The following FRG1 variants were observed in gnomAD, a reference collection of about 807,000 sequenced individuals.
The protein encoded by FRG1 is FSHD region gene 1.
A neutral mutation model predicts 37.0 loss-of-function variants in FRG1; 19 were observed. The ratio of observed to expected loss-of-function variants is 0.51; its 90% CI spans 0.36 to 0.75. The LOEUF is 0.75. FRG1 is among the 30% of genes least tolerant of loss of function. The pLI, the probability that FRG1 is intolerant of heterozygous loss-of-function variation, is 0.00. For synonymous variants in FRG1, 73 were observed against 96.5 expected (o/e 0.76, Z 1.43); for missense variants, 243 against 301.4 (o/e 0.81, Z 1.44).
At position 189,952,167 on chromosome 4, in the gene FRG1, T is replaced by C; in HGVS notation, c.139T>C (p.Trp47Arg). Residue 47 changes from tryptophan to arginine, a missense_variant, in exon 3 of 9, where the codon TGG becomes CGG. Around this residue, in one of 2 missense-constraint regions of FRG1, gnomAD observed 110 missense variants for 102.2 expected, o/e 1.08. Transcript: ENST00000226798. ...EETQLDIVGI[W>R]WTVTNFGEIS... is the part of the protein sequence containing the mutation. The stretch of plus-strand genomic sequence containing the variant: ...ATATTGATTTTATTTTTTAGGAATC[T>C]GGTGGACAGTAACAAACTTTGGTGA... 6.3e-7 allele frequency: 1 copy of C among 1,580,582 alleles called. No homozygotes were observed. The highest frequency in any genetic ancestry group is 8.6e-7 in the Non-Finnish European group (1 of 1,162,112).
At chr4:189,948,882 G>A (rs575015759) in intron 2 of FRG1, among the ~76,000 whole-genome samples, 1 of 152,360 alleles carries the variant, frequency 6.6e-6, no homozygotes, top group East Asian at 1.9e-4. Flanking sequence ...TGTAGAGATG[G>A]GGGTCTCCTT....
intron 4 of FRG1, among the ~76,000 whole-genome samples, chr4:189,954,234 ACT>A (rs1561072505): frequency 1.3e-5 from 2 of 152,044 alleles, no homozygotes; most frequent in East Asian, 3.9e-4. Context: ...TACAAAACAT[ACT>A]CTGTTAATTT....
intron 4 of FRG1, 114 bp downstream of exon 4, chr4:189,953,239 A>T (rs138832199): frequency 8.0e-6 from 11 of 1,378,124 alleles, no homozygotes; most frequent in African/African-American, 1.5e-5. Flanking sequence ...TGTAAAAAAC[A>T]AAATAGCTTT....
At chr4:189,941,132 C>T (rs4145517) in intron 1 of FRG1, 61 bp downstream of exon 1, 412,939 of 1,415,876 alleles carry the variant, frequency 0.29, 61,751 homozygotes, top group Middle Eastern at 0.39. Flanking sequence ...TCCACCCCCG[C>T]AACTCCGGTG....
intron 6 of FRG1, among the ~76,000 whole-genome samples, chr4:189,960,287 T>G (rs533874924): frequency 6.6e-6 from 1 of 152,352 alleles, no homozygotes; most frequent in South Asian, 2.1e-4. Flanking sequence ...AAGAGGTGGG[T>G]TCCAATTAGT....
intron 1 of FRG1, chr4:189,941,851 C>G (rs1430288552): frequency 1.4e-5 from 6 of 442,672 alleles, no homozygotes; most frequent in South Asian, 4.9e-5. Flanking sequence ...GAGGTACATA[C>G]AAATGTCGAG....
intron 2 of FRG1, 52 bp downstream of exon 2, chr4:189,943,324 T>G: frequency 6.4e-7 from 1 of 1,571,514 alleles, no homozygotes; most frequent in African/African-American, 1.4e-5. Context: ...TTTCTTGAGA[T>G]CTCCTTGAAA....
chr4:189,961,759 T>G (rs1737245936), intron 7 of FRG1, 63 bp from the exon 8 acceptor site: 1 of 717,610 alleles, frequency 1.4e-6, no homozygotes, highest in Admixed American at 2.6e-5. Flanking sequence ...ATTTATAAAT[T>G]TAATAGTAAA....
At position 189,957,381 on chromosome 4, in the gene FRG1, TTA is replaced by T. The variant is rs1419641474; in HGVS notation, c.433-15_433-14del. On this transcript the variant is annotated splice_polypyrimidine_tract_variant and intron_variant, in intron 5 of 8. Coordinates refer to ENST00000226798, the MANE Select transcript of FRG1 (RefSeq NM_004477.3). ...AAGAAGTATCCTCATGGCTATTTTG[TTA>T]TTTGTTTCACTTAGGGGAAAATGGC... 6.6e-7 allele frequency: 1 copy of T among 1,511,668 alleles called. No homozygotes were observed. The highest frequency in any genetic ancestry group is 2.4e-5 in the East Asian group (1 of 41,540). The allele number at this position is 1,511,668 out of a possible 1,614,324, so 93.6% of individuals were successfully genotyped here. A position where few individuals can be genotyped will look rare whatever the true frequency, so the allele number is the denominator to read the frequency against.
rs553657626 is a variant in FRG1 at position 189,961,706 on chromosome 4, C to T, written c.630-116C>T. On this transcript the variant is annotated intron_variant, in intron 7 of 8. Coordinates refer to ENST00000226798, the MANE Select transcript of FRG1 (RefSeq NM_004477.3). Reference sequence around the variant, plus strand: ...TGCAGGCATGAGCCACTGCGCCTGGCCTACAATTAGACTTTTTTACAAGTG... The same window carrying T: ...TGCAGGCATGAGCCACTGCGCCTGGTCTACAATTAGACTTTTTTACAAGTG... The T allele has an allele frequency of 4.5e-5, 25 of 561,686 alleles. 1 individual carries two copies. The Admixed American group carries it at 8.0e-4, about 18-fold the overall frequency. 34.8% of individuals were successfully genotyped at this position (561,686 alleles called of 1,614,324 possible).
chr4:189,952,267 T>A lies in FRG1; in HGVS notation c.239T>A (p.Leu80Gln), dbSNP rs1322118406. 6.2e-7 allele frequency: 1 copy of A among 1,611,012 alleles called. No individual in the cohort carries two copies. The highest frequency in any genetic ancestry group is 2.2e-5 in the East Asian group (1 of 44,812). Reference protein sequence around the residue: ...IHALDNGLFTLGAPHKEVDEG... With the variant: ...IHALDNGLFTQGAPHKEVDEG... The stretch of plus-strand genomic sequence containing the variant: ...GCACTCGACAATGGTCTTTTTACCC[T>A]GGGAGCTCCACACAAAGAAGGTTTG... The change falls in exon 3 of 9, where the codon CTG becomes CAG. Residue 80 changes from leucine (L) to glutamine (Q), a missense_variant. Leu to Gln is a moderately radical substitution (Grantham distance 113). Transcript: ENST00000226798.
intron 4 of FRG1, among the ~76,000 whole-genome samples, chr4:189,954,699 A>G (rs201173342): frequency 1.3e-5 from 2 of 151,554 alleles, no homozygotes; most frequent in Admixed American, 6.6e-5. Flanking sequence ...GGCTCAAGCA[A>G]TCCTCCTGCG....
intron 1 of FRG1, among the ~76,000 whole-genome samples, chr4:189,941,672 G>T (rs75298318): frequency 1.1e-4 from 16 of 152,250 alleles, no homozygotes; most frequent in Non-Finnish European, 8.8e-5. Context: ...ACTTTCAGAC[G>T]TTTTTTATAC....
intron 6 of FRG1, among the ~76,000 whole-genome samples, chr4:189,959,509 A>G (rs1427820523): frequency 2.0e-5 from 3 of 152,160 alleles, no homozygotes; most frequent in Non-Finnish European, 1.5e-5. Context: ...TTCATAGCAC[A>G]TTGCTTCTCA....
At chr4:189,957,167 CCTA>C (rs201665823) in intron 5 of FRG1, among the ~76,000 whole-genome samples, 3,042 of 152,306 alleles carry the variant, frequency 0.02, 36 homozygotes, top group South Asian at 0.051. Flanking sequence ...AGAATTTAGT[CCTA>C]CTAGGAAGAT....
At chr4:189,948,244 G>A (rs11132771) in intron 2 of FRG1, among the ~76,000 whole-genome samples, 42,149 of 151,960 alleles carry the variant, frequency 0.28, 5,976 homozygotes, top group Middle Eastern at 0.42. Flanking sequence ...GATCTGAAGG[G>A]ATTGGTAAAT....
Position 189,955,046 on chromosome 4 carries a change from G to A in FRG1, c.327G>A (p.Leu109=), listed in dbSNP as rs370709368. ...AVKLSDSRIA[L]KSGYGKYLGI... is the part of the protein sequence containing the mutation. ...TGTTATTAATGTACAGAATCGCCCT[G>A]AAGTCTGGCTATGGAAAATATCTTG... Residue 109 remains leucine, a synonymous_variant, in exon 5 of 9, where the codon CTG becomes CTA. Coordinates refer to ENST00000226798, the MANE Select transcript of FRG1 (RefSeq NM_004477.3). 51 of 1,608,188 alleles carry A rather than the reference G, an allele frequency of 3.2e-5. No homozygotes were observed. The highest frequency in any genetic ancestry group is 5.3e-5 in the African/African-American group (4 of 74,796).
chr4:189,949,385 C>T (rs1415202744), intron 2 of FRG1, among the ~76,000 whole-genome samples: 5 of 152,242 alleles, frequency 3.3e-5, no homozygotes, highest in Admixed American at 3.3e-4. Context: ...CTTGATGATA[C>T]TGTGTTTATA....
At chr4:189,950,534 T>C (rs1484312440) in intron 2 of FRG1, among the ~76,000 whole-genome samples, 1 of 152,202 alleles carries the variant, frequency 6.6e-6, no homozygotes, top group Non-Finnish European at 1.5e-5. Context: ...TTAAGTTACT[T>C]TTTGTATTTG....
Sources: gnomAD v4.1 joint callset for allele counts (sites outside exome capture counted in the v4.1 genomes callset) on GRCh38, gnomAD v4.1.1 for gene constraint, gnomAD v4.1.1 regional missense constraint, MANE v1.5 for transcripts, NCBI Gene and HGNC (gene_info 2026-07-23, HGNC 2026-07-21) for gene names.